Variants in CHST9 observed in about 807,000 individuals in gnomAD.
The protein encoded by CHST9 is GalNAc-4-sulfotransferase 2.
In CHST9, 41 loss-of-function variants were observed where a neutral mutation model predicts 44.4. The observed-to-expected ratio is 0.92, with a 90% confidence interval of 0.72 to 1.20. CHST9 has a LOEUF of 1.20. CHST9 is among the 50% of genes most tolerant of loss of function. The pLI, the probability that CHST9 is intolerant of heterozygous loss-of-function variation, is 0.00. For synonymous variants in CHST9, 171 were observed against 178.4 expected (o/e 0.96, Z 0.33); for missense variants, 504 against 516.5 (o/e 0.98, Z 0.23).
At chr18:27,141,397 C>T (rs535804044) in intron 2 of CHST9, among the ~76,000 whole-genome samples, 1 of 151,032 alleles carries the variant, frequency 6.6e-6, no homozygotes, top group African/African-American at 2.4e-5. Flanking sequence ...AATAGACCAG[C>T]CTGGTCAACA....
chr18:26,933,646 C>T (rs555180368), intron 5 of CHST9: 1 of 153,122 alleles, frequency 6.5e-6, no homozygotes, highest in South Asian at 2.1e-4. Context: ...AATTAATAAG[C>T]AACACGTTCA....
chr18:26,927,685 T>G (rs1444592642), intron 5 of CHST9, among the ~76,000 whole-genome samples: 1 of 151,948 alleles, frequency 6.6e-6, no homozygotes, highest in African/African-American at 2.4e-5. Flanking sequence ...GTAGATGGAA[T>G]ATACCATAGG....
At chr18:27,148,552 C>T (rs1403943703) in intron 1 of CHST9, among the ~76,000 whole-genome samples, 34 of 147,102 alleles carry the variant, frequency 2.3e-4, no homozygotes, top group African/African-American at 6.2e-4. Flanking sequence ...ATGATGGTTT[C>T]CAGCTTCATC....
At chr18:26,952,539 T>C (rs2056264136) in intron 4 of CHST9, 1 of 454,516 alleles carries the variant, frequency 2.2e-6, no homozygotes, top group Non-Finnish European at 4.3e-6. Flanking sequence ...CCTGGGTGTA[T>C]CTTTTACCAC....
chr18:27,084,964 A>ATCT (rs59464907), intron 2 of CHST9, among the ~76,000 whole-genome samples: 67,408 of 151,552 alleles, frequency 0.44, 15,632 homozygotes, highest in East Asian at 0.64. Flanking sequence ...GTTTGGAGAG[A>ATCT]TCTTATTATT....
At chr18:27,137,866 C>A (rs1289734006) in intron 2 of CHST9, among the ~76,000 whole-genome samples, 1 of 152,126 alleles carries the variant, frequency 6.6e-6, no homozygotes. Context: ...CACTTATAAA[C>A]TTAAACAGTA....
chr18:27,078,506 T>C (rs560422794), intron 2 of CHST9, among the ~76,000 whole-genome samples: 1 of 152,308 alleles, frequency 6.6e-6, no homozygotes, highest in African/African-American at 2.4e-5. Context: ...ACATATATTA[T>C]AATCTTAAAC....
intron 2 of CHST9, among the ~76,000 whole-genome samples, chr18:27,056,339 G>T (rs776847202): frequency 1.3e-5 from 2 of 152,134 alleles, no homozygotes; most frequent in Non-Finnish European, 2.9e-5. Context: ...CAAGGTTCCA[G>T]TTAGTGAATG....
chr18:27,138,569 C>A (rs1016243417), intron 2 of CHST9, among the ~76,000 whole-genome samples: 1 of 152,098 alleles, frequency 6.6e-6, no homozygotes, highest in African/African-American at 2.4e-5. Context: ...TGAATTGTGG[C>A]TGAGTTTTAA....
At chr18:27,074,021 A>C (rs2057872385) in intron 2 of CHST9, among the ~76,000 whole-genome samples, 1 of 152,196 alleles carries the variant, frequency 6.6e-6, no homozygotes, top group Non-Finnish European at 1.5e-5. Context: ...TGAGACACAG[A>C]ACAACATGTC....
At chr18:27,121,499 G>A (rs1477752965) in intron 2 of CHST9, among the ~76,000 whole-genome samples, 1 of 152,140 alleles carries the variant, frequency 6.6e-6, no homozygotes, top group Non-Finnish European at 1.5e-5. Context: ...TGTGGGTATG[G>A]CAGCTGGTAC....
At chr18:27,181,329 G>A (rs894672004) in intron 1 of CHST9, among the ~76,000 whole-genome samples, 3 of 152,158 alleles carry the variant, frequency 2.0e-5, no homozygotes, top group Non-Finnish European at 2.9e-5. Flanking sequence ...TTGCCCTAGA[G>A]CTTTTGAAAA....
At chr18:27,001,103 T>C (rs1055840779) in intron 4 of CHST9, among the ~76,000 whole-genome samples, 5 of 152,114 alleles carry the variant, frequency 3.3e-5, no homozygotes, top group Admixed American at 6.6e-5. Context: ...CCTAGGGGAA[T>C]TGGAAAAACT....
chr18:27,157,907 T>C (rs1479717858), intron 1 of CHST9, among the ~76,000 whole-genome samples: 1 of 152,168 alleles, frequency 6.6e-6, no homozygotes, highest in Non-Finnish European at 1.5e-5. Flanking sequence ...TGGTTAATTT[T>C]AGTTAGTTTA....
intron 1 of CHST9, among the ~76,000 whole-genome samples, chr18:27,172,382 C>T (rs549257228): frequency 2.0e-5 from 3 of 151,934 alleles, no homozygotes; most frequent in Non-Finnish European, 2.9e-5. Flanking sequence ...TGTTGAAATT[C>T]TTAGTGGTAT....
intron 4 of CHST9, among the ~76,000 whole-genome samples, chr18:27,013,142 T>C (rs56403102): frequency 0.027 from 4,067 of 152,322 alleles, 57 homozygotes; most frequent in Middle Eastern, 0.068. Flanking sequence ...CAACTAGTAA[T>C]GACTTTCATG....
intron 4 of CHST9, among the ~76,000 whole-genome samples, chr18:26,957,484 T>A (rs1440848025): frequency 6.6e-6 from 1 of 151,494 alleles, no homozygotes; most frequent in Non-Finnish European, 1.5e-5. Context: ...TATTTAGAAA[T>A]AGGAATTTTT....
intron 1 of CHST9, among the ~76,000 whole-genome samples, chr18:27,168,161 G>A (rs894198801): frequency 1.3e-5 from 2 of 149,242 alleles, no homozygotes; most frequent in East Asian, 2.0e-4. Flanking sequence ...TGCAAGCCCC[G>A]CCTCCCGGGT....
At chr18:26,918,641 G>T (rs2055585609) in intron 5 of CHST9, among the ~76,000 whole-genome samples, 1 of 152,068 alleles carries the variant, frequency 6.6e-6, no homozygotes, top group Non-Finnish European at 1.5e-5. Flanking sequence ...ACAAGTGAAT[G>T]AATGAATGGA....
Sources: gnomAD v4.1 joint callset for allele counts (sites outside exome capture counted in the v4.1 genomes callset) on GRCh38, gnomAD v4.1.1 for gene constraint, MANE v1.5 for transcripts, NCBI Gene and HGNC (gene_info 2026-07-23, HGNC 2026-07-21) for gene names.